The following RANBP2 variants were observed in gnomAD, a reference collection of about 807,000 sequenced individuals.
The protein encoded by RANBP2 is E3 SUMO-protein ligase RanBP2.
RANBP2 carries 57 observed loss-of-function variants against 303.6 expected under a neutral mutation model. That is an observed-to-expected ratio of 0.19 (90% CI 0.15 to 0.23). RANBP2 has a LOEUF of 0.23. Among genes scored for constraint, RANBP2 ranks in the 10% least tolerant of loss-of-function variants. The pLI, the probability that RANBP2 is intolerant of heterozygous loss-of-function variation, is 1.00. For missense variants in RANBP2, 3,138 were observed against 3,780.8 expected, an observed-to-expected ratio of 0.83 and a Z score of 4.46; for synonymous variants, 1,167 against 1,301.5, an observed-to-expected ratio of 0.90 and a Z score of 2.23.
intron 1 of RANBP2, among the ~76,000 whole-genome samples, chr2:108,720,998 G>T (rs1694194444): frequency 6.6e-6 from 1 of 152,104 alleles, no homozygotes; most frequent in East Asian, 1.9e-4. Context: ...CCAGTGAGCC[G>T]AGATCGCGCT....
At chr2:109,765,585 G>C in the RANBP2 span, among the ~76,000 whole-genome samples, 11 of 150,126 alleles carry the variant, frequency 7.3e-5, 1 homozygote, top group Non-Finnish European at 5.9e-5. Context: ...ATTCATGGTG[G>C]GGTGGCATTT....
the RANBP2 span, among the ~76,000 whole-genome samples, chr2:109,644,120 C>CAA: frequency 1.0e-5 from 1 of 97,062 alleles, no homozygotes; most frequent in Non-Finnish European, 2.1e-5. Context: ...GACTCTGTCT[C>CAA]AAAAAAAAAA....
chr2:109,209,806 C>A, the RANBP2 span, among the ~76,000 whole-genome samples: 1 of 152,136 alleles, frequency 6.6e-6, no homozygotes. Context: ...ATTGGACACT[C>A]CAGTATTCCA....
At chr2:109,611,035 C>CTTTTGACATGGACTCATGTCA in the RANBP2 span, among the ~76,000 whole-genome samples, 1 of 152,132 alleles carries the variant, frequency 6.6e-6, no homozygotes, top group Non-Finnish European at 1.5e-5. Flanking sequence ...CAGACCCACA[C>CTTTTGACATGGACTCATGTCA]AAATATGCTC....
chr2:108,879,638 ATTAT>A, the RANBP2 span, among the ~76,000 whole-genome samples: 1 of 152,188 alleles, frequency 6.6e-6, no homozygotes, highest in Non-Finnish European at 1.5e-5. Context: ...GTATATTATT[ATTAT>A]TTAATCCTCA....
the RANBP2 span, among the ~76,000 whole-genome samples, chr2:108,856,171 C>G: frequency 1.3e-5 from 2 of 152,148 alleles, no homozygotes; most frequent in Non-Finnish European, 2.9e-5. Context: ...TGTGGGACTT[C>G]TTTAAGAAAG....
At chr2:109,203,407 C>A in the RANBP2 span, among the ~76,000 whole-genome samples, 1 of 152,194 alleles carries the variant, frequency 6.6e-6, no homozygotes, top group African/African-American at 2.4e-5. Context: ...CGCGTCCCTA[C>A]GAGCGCATCA....
the RANBP2 span, among the ~76,000 whole-genome samples, chr2:109,262,609 A>G: frequency 1.1e-3 from 165 of 152,314 alleles, 1 homozygote; most frequent in African/African-American, 3.8e-3. Flanking sequence ...TGAAAGAGCA[A>G]TTGTATGTCT....
the RANBP2 span, among the ~76,000 whole-genome samples, chr2:108,919,539 G>A: frequency 6.6e-6 from 1 of 152,138 alleles, no homozygotes; most frequent in South Asian, 2.1e-4. Context: ...TGTATTTTTA[G>A]TAGAGACGGG....
At chr2:109,535,694 T>C in the RANBP2 span, among the ~76,000 whole-genome samples, 1 of 152,108 alleles carries the variant, frequency 6.6e-6, no homozygotes. Flanking sequence ...CACAAGGGCA[T>C]TTGCATGAGC....
the RANBP2 span, among the ~76,000 whole-genome samples, chr2:109,079,301 A>G: frequency 6.6e-6 from 1 of 152,172 alleles, no homozygotes; most frequent in Non-Finnish European, 1.5e-5. Flanking sequence ...CTTTGTTGTA[A>G]GAATGCAGTA....
At chr2:109,216,286 GAAGGGGATTA>G in the RANBP2 span, among the ~76,000 whole-genome samples, 1 of 152,206 alleles carries the variant, frequency 6.6e-6, no homozygotes, top group Non-Finnish European at 1.5e-5. Context: ...GACTTAAAGG[GAAGGGGATTA>G]AAGGAAATAG....
chr2:109,580,711 C>T, the RANBP2 span, among the ~76,000 whole-genome samples: 1 of 152,142 alleles, frequency 6.6e-6, no homozygotes, highest in East Asian at 1.9e-4. Flanking sequence ...AACTAGAAAC[C>T]TGAACAAAAT....
At chr2:109,656,340 T>TTTTG in the RANBP2 span, among the ~76,000 whole-genome samples, 2 of 152,110 alleles carry the variant, frequency 1.3e-5, no homozygotes, top group Admixed American at 6.5e-5. Context: ...TCTGGGGTTT[T>TTTTG]TTTGTTTGTT....
chr2:108,929,531 C>A, the RANBP2 span: 3 of 794,966 alleles, frequency 3.8e-6, no homozygotes, highest in Non-Finnish European at 4.2e-6. Context: ...ACTGCAAAAC[C>A]CCCCAGGAAC....
chr2:109,299,178 C>T, the RANBP2 span, among the ~76,000 whole-genome samples: 1 of 152,250 alleles, frequency 6.6e-6, no homozygotes, highest in Non-Finnish European at 1.5e-5. Context: ...ACGGGGCCTC[C>T]TCTGACCACT....
the RANBP2 span, among the ~76,000 whole-genome samples, chr2:109,388,896 C>T: frequency 6.6e-6 from 1 of 152,110 alleles, no homozygotes; most frequent in Non-Finnish European, 1.5e-5. Flanking sequence ...TGGAGGCTTT[C>T]TAGGTAATAG....
chr2:108,902,619 T>C, the RANBP2 span, among the ~76,000 whole-genome samples: 28 of 152,066 alleles, frequency 1.8e-4, no homozygotes, highest in Non-Finnish European at 3.2e-4. Flanking sequence ...CTCATGAATA[T>C]AAATGCAAAA....
chr2:109,567,942 G>A, the RANBP2 span: 76 of 1,612,754 alleles, frequency 4.7e-5, no homozygotes, highest in Admixed American at 1.0e-4. Context: ...TTTAGAAACC[G>A]TATCTGCTTT....
Sources: allele counts gnomAD v4.1 joint callset (sites outside exome capture counted in the v4.1 genomes callset), GRCh38; gene constraint gnomAD v4.1.1; transcripts MANE v1.5; gene names NCBI Gene and HGNC (gene_info 2026-07-23, HGNC 2026-07-21).